CORIN: variants seen among roughly 807,000 people sequenced by gnomAD.
CORIN encodes atrial natriuretic peptide-converting enzyme.
Under a neutral mutation model 125.3 loss-of-function variants are expected in CORIN, and 117 were observed. That is an observed-to-expected ratio of 0.93 (90% CI 0.80 to 1.09). The LOEUF (loss-of-function observed/expected upper bound fraction) is 1.09. CORIN is among the 50% of genes least tolerant of loss of function. CORIN has a pLI of 0.00. For missense variants in CORIN, 1,253 were observed against 1,306.7 expected (o/e 0.96, Z 0.63); for synonymous variants, 450 against 466.4 (o/e 0.96, Z 0.45).
intron 13 of CORIN, among the ~76,000 whole-genome samples, chr4:47,645,450 C>CAA (rs371256567): frequency 4.0e-5 from 4 of 99,374 alleles, no homozygotes; most frequent in Admixed American, 1.1e-4. Flanking sequence ...GACTTTGTCT[C>CAA]AAAAAAAAAA....
chr4:47,821,288 T>C (rs1251033725), intron 1 of CORIN, among the ~76,000 whole-genome samples: 1 of 151,834 alleles, frequency 6.6e-6, no homozygotes, highest in Non-Finnish European at 1.5e-5. Context: ...TATTAAAATA[T>C]GTTCAATTTA....
At chr4:47,603,718 T>C (rs763119993) in intron 19 of CORIN, 50 bp from the exon 20 acceptor site, 5 of 1,568,750 alleles carry the variant, frequency 3.2e-6, no homozygotes, top group South Asian at 2.4e-5. Flanking sequence ...TAGTTTATCA[T>C]GTGAAATTCA....
At chr4:47,785,691 A>C (rs1043025870) in intron 3 of CORIN, among the ~76,000 whole-genome samples, 16 of 152,068 alleles carry the variant, frequency 1.1e-4, no homozygotes, top group Admixed American at 7.9e-4. Context: ...AGGCGGGTGG[A>C]TCATGAGGTT....
chr4:47,787,847 C>T (rs1730890742), intron 2 of CORIN, among the ~76,000 whole-genome samples: 1 of 152,242 alleles, frequency 6.6e-6, no homozygotes, highest in Non-Finnish European at 1.5e-5. Context: ...GCCTTTGCAT[C>T]CTCATAGCTT....
chr4:47,720,378 CT>C (rs1157787691), intron 5 of CORIN, among the ~76,000 whole-genome samples: 1 of 152,142 alleles, frequency 6.6e-6, no homozygotes, highest in Non-Finnish European at 1.5e-5. Context: ...CTCTAAATTT[CT>C]TTTTCTCCAG....
At position 47,674,441 on chromosome 4, in the gene CORIN, A is replaced by G. The variant is rs762375589; in HGVS notation, c.1309T>C (p.Cys437Arg). The G allele has an allele frequency of 1.2e-6, 2 of 1,614,054 alleles. No homozygotes were observed. Among genetic ancestry groups the G allele is most frequent in the Non-Finnish European group, 8.5e-7 (1 of 1,179,898 alleles). The change falls in exon 10 of 22, where the codon TGT (cysteine) becomes CGT (arginine). Residue 437 changes from cysteine (C) to arginine (R), a missense_variant. Cys to Arg is a radical substitution (Grantham distance 180). Transcript: ENST00000273857. ...GGGTCACAGAGAGAGCTACCACCACATGAATCAAGGCAGGGATTGTAGAGG... is the reference window on the plus strand; with the variant it reads ...GGGTCACAGAGAGAGCTACCACCACGTGAATCAAGGCAGGGATTGTAGAGG... ...RCLYNPCLDS[C>R]GGSSLCDPNN...
intron 3 of CORIN, among the ~76,000 whole-genome samples, chr4:47,769,185 A>T (rs1042801952): frequency 2.0e-5 from 3 of 152,148 alleles, no homozygotes; most frequent in African/African-American, 4.8e-5. Flanking sequence ...TGGAGAGAAA[A>T]ATAAACTTAA....
At position 47,786,916 on chromosome 4, in the gene CORIN, T is replaced by A; in HGVS notation, c.218A>T (p.Gln73Leu). 1.2e-6 allele frequency: 2 copies of A among 1,610,192 alleles called. No individual in the cohort carries two copies. The highest frequency in any genetic ancestry group is 1.7e-6 in the Non-Finnish European group (2 of 1,176,928). ...VILLSYVGTL[Q>L]KVYFKSNGSE... Reference sequence around the variant, plus strand: ...CCCATTTGATTTAAAATAGACCTTTTGTAATGTTCCTGAAAGACAAAAACA... The same window carrying A: ...CCCATTTGATTTAAAATAGACCTTTAGTAATGTTCCTGAAAGACAAAAACA... Residue 73 changes from glutamine to leucine, a missense_variant, in exon 3 of 22, where the codon CAA becomes CTA. By Grantham distance (113) the Gln-to-Leu change is moderately radical. Transcript: ENST00000273857.
intron 20 of CORIN, among the ~76,000 whole-genome samples, chr4:47,602,146 C>T (rs1721472715): frequency 6.6e-6 from 1 of 151,986 alleles, no homozygotes; most frequent in African/African-American, 2.4e-5. Context: ...TGGCACATGT[C>T]TGTAATCCCA....
At chr4:47,687,620 T>G (rs1196631277) in intron 6 of CORIN, among the ~76,000 whole-genome samples, 2 of 152,216 alleles carry the variant, frequency 1.3e-5, no homozygotes, top group African/African-American at 4.8e-5. Flanking sequence ...AGAAAGGCTT[T>G]TTCTCAAAGG....
intron 1 of CORIN, among the ~76,000 whole-genome samples, chr4:47,832,469 G>A (rs367800152): frequency 5.1e-4 from 68 of 134,458 alleles, no homozygotes; most frequent in African/African-American, 1.8e-3. Context: ...TTTTGAGATG[G>A]AGTCTCGCTC....
rs528715994 is a variant in CORIN, at chr4:47,815,517, C to T, written c.64-8470G>A. Among the ~76,000 whole-genome samples the T allele has an allele frequency of 5.9e-5, 9 of 152,230 alleles. No individual in the cohort carries two copies. The South Asian group carries it at 1.9e-3, about 32-fold the overall frequency. ...GATGATTTTGGGAAGAAACAGTAGG[C>T]TCTCATTATCCAGACAAGATAGATA... On this transcript the variant is annotated intron_variant, in intron 1 of 21. Coordinates refer to ENST00000273857, the MANE Select transcript of CORIN (RefSeq NM_006587.4).
At chr4:47,798,432 C>T (rs2109937180) in intron 2 of CORIN, among the ~76,000 whole-genome samples, 1 of 152,170 alleles carries the variant, frequency 6.6e-6, no homozygotes, top group Non-Finnish European at 1.5e-5. Context: ...CTTAGCAACC[C>T]TAATGTACAC....
At chr4:47,618,973 G>A (rs980774877) in intron 19 of CORIN, among the ~76,000 whole-genome samples, 1 of 152,188 alleles carries the variant, frequency 6.6e-6, no homozygotes, top group Non-Finnish European at 1.5e-5. Flanking sequence ...GCAGGAGTAT[G>A]GGTTGTGGTC....
intron 19 of CORIN, among the ~76,000 whole-genome samples, chr4:47,606,392 A>T (rs575386574): frequency 6.6e-6 from 1 of 152,088 alleles, no homozygotes; most frequent in Non-Finnish European, 1.5e-5. Flanking sequence ...AGTAGCTGAG[A>T]CTACAGACAC....
chr4:47,599,424 A>C (rs1219403632), intron 21 of CORIN, among the ~76,000 whole-genome samples: 1 of 152,170 alleles, frequency 6.6e-6, no homozygotes, highest in Non-Finnish European at 1.5e-5. Context: ...CTTCATTACT[A>C]AACTGTAGGG....
intron 2 of CORIN, among the ~76,000 whole-genome samples, chr4:47,801,456 C>T (rs1197175056): frequency 6.6e-6 from 1 of 152,212 alleles, no homozygotes; most frequent in Non-Finnish European, 1.5e-5. Flanking sequence ...ACAAAAGGCA[C>T]TAATACAAGA....
intron 8 of CORIN, among the ~76,000 whole-genome samples, chr4:47,679,341 A>T (rs1725161648): frequency 6.6e-6 from 1 of 151,756 alleles, no homozygotes. Flanking sequence ...AACAGTTTAT[A>T]AATTTATATT....
At chr4:47,685,989 T>C (rs1479584434) in intron 6 of CORIN, among the ~76,000 whole-genome samples, 2 of 149,056 alleles carry the variant, frequency 1.3e-5, no homozygotes, top group East Asian at 2.0e-4. Context: ...GCTGATTGTT[T>C]CTCCTCAAGC....
Sources: gnomAD v4.1 joint callset for allele counts (sites outside exome capture counted in the v4.1 genomes callset) on GRCh38, gnomAD v4.1.1 for gene constraint, MANE v1.5 for transcripts, NCBI Gene and HGNC (gene_info 2026-07-23, HGNC 2026-07-21) for gene names.